Variants in ULBP3 observed in about 807,000 individuals in gnomAD.
The protein encoded by ULBP3 is UL16 binding protein 3.
A neutral mutation model predicts 24.9 loss-of-function variants in ULBP3; 25 were observed. The ratio of observed to expected loss-of-function variants is 1.00; its 90% confidence interval spans 0.73 to 1.40. ULBP3 has a LOEUF of 1.40. ULBP3 is among the 40% of genes most tolerant of loss of function. The pLI is 0.00. For synonymous variants in ULBP3, 114 were observed against 114.7 expected (o/e 0.99, Z 0.04); for missense variants, 306 against 307.5 (o/e 1.00, Z 0.04).
rs1284744040 is a variant in ULBP3, at chr6:150,062,711, G to A, written c.*663C>T. 6.6e-6 allele frequency among the ~76,000 whole-genome samples: 1 copy of A among 152,230 alleles called. No individual in the cohort carries two copies. Among genetic ancestry groups the A allele is most frequent in the East Asian group, 1.9e-4 (1 of 5,198 alleles). On this transcript the variant is annotated 3_prime_UTR_variant, in exon 5 of 5. Transcript: ENST00000367339. ...TGTCTGCTTTTCCACAATCAAAGAAGTAGAAAGAAAATGCCTTTTGCTGGG... is the reference window on the plus strand; with the variant it reads ...TGTCTGCTTTTCCACAATCAAAGAAATAGAAAGAAAATGCCTTTTGCTGGG...
At chr6:150,066,504 G>C (rs1297709482) in intron 1 of ULBP3, among the ~76,000 whole-genome samples, 1 of 152,178 alleles carries the variant, frequency 6.6e-6, no homozygotes, top group African/African-American at 2.4e-5. Flanking sequence ...TTGGAGCGTG[G>C]TGCAGTGGGT....
intron 1 of ULBP3, 94 bp downstream of exon 1, chr6:150,068,885 C>A (rs904209283): frequency 3.7e-5 from 49 of 1,307,682 alleles, no homozygotes; most frequent in Non-Finnish European, 5.0e-5. Flanking sequence ...TCGCGCCGGT[C>A]CTTCTAGAAG....
chr6:150,068,700 G>A (rs1776383411), intron 1 of ULBP3, among the ~76,000 whole-genome samples: 1 of 152,186 alleles, frequency 6.6e-6, no homozygotes, highest in Non-Finnish European at 1.5e-5. Context: ...TTGCACCAGG[G>A]ATCCCCTCCC....
At chr6:150,066,483 C>A (rs79685205) in intron 1 of ULBP3, among the ~76,000 whole-genome samples, 12,688 of 152,176 alleles carry the variant, frequency 0.083, 653 homozygotes, top group Middle Eastern at 0.17. Context: ...TGGGAGGGCA[C>A]CCTGAGGATG....
intron 1 of ULBP3, among the ~76,000 whole-genome samples, chr6:150,067,087 C>G (rs1776357954): frequency 1.3e-5 from 2 of 152,054 alleles, no homozygotes; most frequent in East Asian, 3.8e-4. Flanking sequence ...GGTCCAAGAT[C>G]CAAAAGAGAT....
chr6:150,064,808 G>T, intron 3 of ULBP3, 95 bp from the exon 4 acceptor site: 1 of 1,359,294 alleles, frequency 7.4e-7, no homozygotes. Flanking sequence ...ATCCGGGAAG[G>T]CAGAGGATTT....
At chr6:150,063,401 C>T in intron 4 of ULBP3, 50 bp from the exon 5 acceptor site, 1 of 944,350 alleles carries the variant, frequency 1.1e-6, no homozygotes, top group Non-Finnish European at 1.3e-6. Context: ...AAACCTGGGT[C>T]TGTTCTCCTG....
rs376892807 is a variant in ULBP3, at chr6:150,065,499, T to C, written c.527A>G (p.Asp176Gly). Residue 176 changes from aspartate (D) to glycine (G), a missense_variant, in exon 3 of 5, where the codon GAT becomes GGT. Asp to Gly is a moderately conservative substitution (Grantham distance 94). Transcript: ENST00000367339. Reference protein sequence around the residue: ...ARRMKEKWEKDSGLTTFFKMV... With the variant: ...ARRMKEKWEKGSGLTTFFKMV... ...CTTGAAGAAGGTGGTCAGTCCGCTA[T>C]CCTTCTCCCACTTCTCTTTCATCCG... The C allele has an allele frequency of 4.3e-6, 7 of 1,614,158 alleles. No homozygotes were observed. Among genetic ancestry groups the C allele is most frequent in the Non-Finnish European group, 5.9e-6 (7 of 1,180,008 alleles).
In ULBP3 at chr6:150,062,077, T is replaced by C. The variant is rs599319; in HGVS notation, c.*1297A>G. Reference sequence around the variant, plus strand: ...TGCACATTTTTTAATTGGGTTTTTTTTTCTTGCTTGTCTAATTGTTTAAGT... The same window carrying C: ...TGCACATTTTTTAATTGGGTTTTTTCTTCTTGCTTGTCTAATTGTTTAAGT... On this transcript the variant is annotated 3_prime_UTR_variant, in exon 5 of 5. Transcript: ENST00000367339. Among the ~76,000 whole-genome samples the C allele has an allele frequency of 0.86, 131,656 of 152,230 alleles. 57,097 individuals carry two copies. The highest frequency in any genetic ancestry group is 0.92 in the Middle Eastern group (270 of 294).
Position 150,063,270 on chromosome 6 carries a change from T to G in ULBP3, c.*104A>C, listed in dbSNP as rs1312535669. The G allele has an allele frequency of 2.4e-6, 2 of 828,566 alleles. No individual in the cohort carries two copies. The highest frequency in any genetic ancestry group is 1.5e-6 in the Non-Finnish European group (1 of 687,028). 51.3% of individuals were successfully genotyped at this position (828,566 alleles called of 1,614,324 possible). On this transcript the variant is annotated 3_prime_UTR_variant, in exon 5 of 5. Coordinates refer to ENST00000367339, the MANE Select transcript of ULBP3 (RefSeq NM_024518.3). ...ACTCCTGCTTTCCAGAAAGGCACAG[T>G]GGTGAGTAGACAGGCGGCCTCCCTG... is the stretch of plus-strand genomic sequence containing the variant.
In ULBP3 at chr6:150,064,674, G is replaced by A. The variant is rs1776320103; in HGVS notation, c.668C>T (p.Ala223Val). 1 of 1,614,044 alleles carries A rather than the reference G, an allele frequency of 6.2e-7. No homozygotes were observed. The highest frequency in any genetic ancestry group is 8.5e-7 in the Non-Finnish European group (1 of 1,179,988). ...CCAGGGACTGAGGGTGGTGGCTATGGCTTTGGGTTGAGCTAAGCCTGGGGC... is the reference window on the plus strand; with the variant it reads ...CCAGGGACTGAGGGTGGTGGCTATGACTTTGGGTTGAGCTAAGCCTGGGGC... ...TMAPGLAQPK[A>V]IATTLSPWSF... Residue 223 changes from alanine to valine, a missense_variant, in exon 4 of 5, where the codon GCC (alanine) becomes GTC (valine). Coordinates refer to ENST00000367339, the MANE Select transcript of ULBP3 (RefSeq NM_024518.3).
intron 2 of ULBP3, 32 bp from the exon 3 acceptor site, chr6:150,065,705 G>T: frequency 5.6e-6 from 9 of 1,610,470 alleles, no homozygotes; most frequent in Non-Finnish European, 7.6e-6. Flanking sequence ...CAGCCCTGGT[G>T]TTTACAAATT....
intron 3 of ULBP3, among the ~76,000 whole-genome samples, 175 bp downstream of exon 3, chr6:150,065,223 C>T (rs1776327514): frequency 6.6e-6 from 1 of 151,986 alleles, no homozygotes; most frequent in African/African-American, 2.4e-5. Context: ...GGAGGAGGCC[C>T]CCATGAGGGG....
Position 150,069,075 on chromosome 6 carries a change from A to C in ULBP3, c.-9T>G. 6.2e-7 allele frequency: 1 copy of C among 1,609,840 alleles called. No homozygotes were observed. On this transcript the variant is annotated 5_prime_UTR_variant, in exon 1 of 5. Transcript: ENST00000367339. The stretch of plus-strand genomic sequence containing the variant: ...CTGGCGGCCGCTGCCATTGTAGACC[A>C]GGAGCGCCCGGGACACAAGGCGCAG...
At chr6:150,068,536 A>C (rs1401012594) in intron 1 of ULBP3, among the ~76,000 whole-genome samples, 3 of 152,210 alleles carry the variant, frequency 2.0e-5, no homozygotes, top group Non-Finnish European at 4.4e-5. Context: ...CAAGGACCAA[A>C]GTGCCTTCAG....
rs758190832 is a variant in ULBP3, at chr6:150,065,641, C to A, written c.385G>T (p.Glu129Ter). 1.9e-6 allele frequency: 3 copies of A among 1,614,224 alleles called. No individual in the cohort carries two copies. Among genetic ancestry groups the A allele is most frequent in the South Asian group, 1.1e-5 (1 of 91,082 alleles). The change falls in exon 3 of 5, where the codon GAG becomes TAG. Residue 129 changes from glutamate to a stop codon, truncating the protein, a stop_gained. Coordinates refer to ENST00000367339, the MANE Select transcript of ULBP3 (RefSeq NM_024518.3). LOFTEE classifies it high-confidence loss of function. Reference sequence around the variant, plus strand: ...CGGATGTATCCATCGGCTTCACACTCACAAGACATCCTGACCTGCAGCGTG... The same window carrying A: ...CGGATGTATCCATCGGCTTCACACTAACAAGACATCCTGACCTGCAGCGTG... ...PLTLQVRMSC[E>*]CEADGYIRGS...
rs779173572 is a variant in ULBP3, at chr6:150,066,073, T to C, written c.178A>G (p.Lys60Glu). The C allele has an allele frequency of 1.2e-6, 2 of 1,614,106 alleles. No individual in the cohort carries two copies. Among genetic ancestry groups the C allele is most frequent in the African/African-American group, 2.7e-5 (2 of 74,940 alleles). Residue 60 changes from lysine to glutamate, a missense_variant, in exon 2 of 5, where the codon AAG (lysine) becomes GAG (glutamate). Physicochemically the swap from Lys to Glu is moderately conservative, Grantham distance 56. Transcript: ENST00000367339. ...CCACAGTCATAGGAGAGAAAATTCTTCTGATCCACCTGGCTCTGGACCTCA... is the reference window on the plus strand; with the variant it reads ...CCACAGTCATAGGAGAGAAAATTCTCCTGATCCACCTGGCTCTGGACCTCA... ...WCEVQSQVDQKNFLSYDCGSD... is the reference protein window; with the variant it reads ...WCEVQSQVDQENFLSYDCGSD...
In ULBP3 at chr6:150,061,184, A is replaced by T. The variant is rs1776270627; in HGVS notation, c.*2190T>A. Among the ~76,000 whole-genome samples the T allele has an allele frequency of 6.6e-6, 1 of 152,194 alleles. No individual in the cohort carries two copies. Among genetic ancestry groups the T allele is most frequent in the Non-Finnish European group, 1.5e-5 (1 of 68,038 alleles). Reference sequence around the variant, plus strand: ...TAGTTTTTGATCTGGGTTAGCGTTCATAGTGCAAAGTTCTCTCGTTCCACT... The same window carrying T: ...TAGTTTTTGATCTGGGTTAGCGTTCTTAGTGCAAAGTTCTCTCGTTCCACT... On this transcript the variant is annotated 3_prime_UTR_variant, in exon 5 of 5. Transcript: ENST00000367339.
At position 150,061,904 on chromosome 6, in the gene ULBP3, C is replaced by T. The variant is rs1261251034; in HGVS notation, c.*1470G>A. ...CTGTTTCTTTTCCTCTGCAGCCTCACCACCATCTCCAACTTTGTGACTGGT... is the reference window on the plus strand; with the variant it reads ...CTGTTTCTTTTCCTCTGCAGCCTCATCACCATCTCCAACTTTGTGACTGGT... On this transcript the variant is annotated 3_prime_UTR_variant, in exon 5 of 5. Coordinates refer to ENST00000367339, the MANE Select transcript of ULBP3 (RefSeq NM_024518.3). Among the ~76,000 whole-genome samples, 1 of 152,196 alleles carries T rather than the reference C, an allele frequency of 6.6e-6. No homozygotes were observed. The highest frequency in any genetic ancestry group is 1.5e-5 in the Non-Finnish European group (1 of 68,036).
Sources: gnomAD v4.1 joint callset for allele counts (sites outside exome capture counted in the v4.1 genomes callset) on GRCh38, gnomAD v4.1.1 for gene constraint, MANE v1.5 for transcripts, NCBI Gene and HGNC (gene_info 2026-07-23, HGNC 2026-07-21) for gene names.